E2F7: variants seen among roughly 807,000 people sequenced by gnomAD.
E2F7 encodes the protein E2F transcription factor 7.
In E2F7, 35 loss-of-function variants were observed where a neutral mutation model predicts 81.1. The observed-to-expected ratio is 0.43, with a 90% confidence interval of 0.33 to 0.57. The LOEUF is 0.57. E2F7 is among the 20% of genes least tolerant of loss of function. The probability of loss-of-function intolerance (pLI) is 0.04; values close to 1 mark genes in which losing one functional copy is unlikely to be tolerated. For synonymous variants in E2F7, 416 were observed against 416.2 expected, an observed-to-expected ratio of 1.00 and a Z score of 0.01; for missense variants, 961 against 1,093.7, an observed-to-expected ratio of 0.88 and a Z score of 1.71.
chr12:77,034,838 A>G (rs1954835361), intron 7 of E2F7, among the ~76,000 whole-genome samples: 1 of 152,256 alleles, frequency 6.6e-6, no homozygotes, highest in Non-Finnish European at 1.5e-5. Context: ...TTTCTAAAAC[A>G]TGCGCTTTCA....
Position 77,030,350 on chromosome 12 carries a change from C to A in E2F7, c.1383-18G>T, listed in dbSNP as rs761121484. The A allele has an allele frequency of 5.3e-6, 8 of 1,520,020 alleles. No individual in the cohort carries two copies. In the East Asian group the frequency reaches 1.4e-4, roughly 26 times the overall value. 94.2% of individuals were successfully genotyped at this position (1,520,020 alleles called of 1,614,324 possible). A position where few individuals can be genotyped will look rare whatever the true frequency, so the allele number is the denominator to read the frequency against. On this transcript the variant is annotated intron_variant, in intron 9 of 12. Coordinates refer to ENST00000322886, the MANE Select transcript of E2F7 (RefSeq NM_203394.3). ...CTTTTCCCCTATAATAAAAAAGAAACGTAACGAAGTTAGCACATTCTACCA... is the reference window on the plus strand; with the variant it reads ...CTTTTCCCCTATAATAAAAAAGAAAAGTAACGAAGTTAGCACATTCTACCA...
At chr12:77,045,922 G>T in intron 5 of E2F7, 116 bp downstream of exon 5, 1 of 1,307,120 alleles carries the variant, frequency 7.7e-7, no homozygotes, top group Non-Finnish European at 1.0e-6. Context: ...GAGAATAAGA[G>T]AACATCTCCC....
intron 7 of E2F7, among the ~76,000 whole-genome samples, chr12:77,042,081 G>A (rs1162485598): frequency 6.6e-6 from 1 of 152,220 alleles, no homozygotes; most frequent in African/African-American, 2.4e-5. Flanking sequence ...TTCATGTTAA[G>A]AAGAGGGCTT....
Position 77,025,895 on chromosome 12 carries a change from A to C in E2F7, c.2228T>G (p.Val743Gly). 1 of 1,614,140 alleles carries C rather than the reference A, an allele frequency of 6.2e-7. No individual in the cohort carries two copies. Among genetic ancestry groups the C allele is most frequent in the Non-Finnish European group, 8.5e-7 (1 of 1,180,016 alleles). ...PSSGQLPSFS[V>G]PCMVLPSPPL... ...TGGAGATGGTAAGACCATGCAAGGG[A>C]CACTGAAAGACGGCAGCTGACCTGA... The change falls in exon 12 of 13, where the codon GTC becomes GGC. Residue 743 changes from valine (V) to glycine (G), a missense_variant. This residue lies in a region of E2F7 where 587 missense variants were observed against 620.3 expected (regional missense o/e 0.95). Transcript: ENST00000322886.
chr12:77,046,174 A>G lies in E2F7; in HGVS notation c.693T>C (p.Tyr231=), dbSNP rs757464478. 1.8e-5 allele frequency: 29 copies of G among 1,614,068 alleles called. No individual in the cohort carries two copies. Among genetic ancestry groups the G allele is most frequent in the South Asian group, 1.8e-4 (16 of 91,092 alleles). Residue 231 remains tyrosine, a synonymous_variant, in exon 5 of 13, where the codon TAT becomes TAC. Transcript: ENST00000322886. ...GTTGGAGGTAGGCCATTTGCTCTTC[A>G]TATTTCTGCTCCTCTCCTAGTCTCT... is the stretch of plus-strand genomic sequence containing the variant. The part of the protein sequence containing the change: ...NLQRLGEEQK[Y]EEQMAYLQQK...
intron 7 of E2F7, among the ~76,000 whole-genome samples, chr12:77,041,625 CA>C (rs1226941016): frequency 6.6e-6 from 1 of 152,064 alleles, no homozygotes; most frequent in Admixed American, 6.5e-5. Flanking sequence ...TGAGGCCTTC[CA>C]AAAATGCAGT....
chr12:77,050,510 T>C, intron 4 of E2F7, 66 bp downstream of exon 4: 1 of 1,567,308 alleles, frequency 6.4e-7, no homozygotes, highest in Non-Finnish European at 8.7e-7. Flanking sequence ...GCCTTCAGCC[T>C]GCCCAAGGAA....
At chr12:77,024,996 C>T (rs310833) in intron 12 of E2F7, among the ~76,000 whole-genome samples, 148,624 of 152,256 alleles carry the variant, frequency 0.98, 72,569 homozygotes, top group East Asian at 1. Context: ...ATATTGATAA[C>T]GTATCTTTGT....
chr12:77,033,408 A>C (rs1481014034), intron 8 of E2F7, among the ~76,000 whole-genome samples: 7 of 152,152 alleles, frequency 4.6e-5, no homozygotes, highest in African/African-American at 1.7e-4. Flanking sequence ...GCTACTTGGG[A>C]GGCTGAGGTG....
At chr12:77,054,354 A>T (rs1347084570) in intron 3 of E2F7, among the ~76,000 whole-genome samples, 1 of 152,154 alleles carries the variant, frequency 6.6e-6, no homozygotes, top group East Asian at 1.9e-4. Flanking sequence ...AATCAATTGT[A>T]TTTGTATATA....
At chr12:77,029,788 G>A (rs764138492) in intron 10 of E2F7, 43 bp downstream of exon 10, 2 of 1,605,754 alleles carry the variant, frequency 1.2e-6, no homozygotes, top group South Asian at 2.2e-5. Context: ...GAAGCTCAGG[G>A]CTAACAGGAT....
At chr12:77,028,599 C>A (rs1407770740) in intron 10 of E2F7, among the ~76,000 whole-genome samples, 3 of 152,040 alleles carry the variant, frequency 2.0e-5, no homozygotes, top group Non-Finnish European at 4.4e-5. Flanking sequence ...TCCTGAGTAG[C>A]TGGGACTAGA....
chr12:77,041,687 T>C (rs1477161069), intron 7 of E2F7, among the ~76,000 whole-genome samples: 1 of 152,230 alleles, frequency 6.6e-6, no homozygotes, highest in Non-Finnish European at 1.5e-5. Context: ...GTTCTCTTCA[T>C]GCCTCCAAAA....
At chr12:77,032,362 C>T (rs1210676478) in intron 9 of E2F7, among the ~76,000 whole-genome samples, 2 of 152,210 alleles carry the variant, frequency 1.3e-5, no homozygotes, top group Non-Finnish European at 2.9e-5. Flanking sequence ...GACAGCAAAA[C>T]GAGCCAGGCT....
At chr12:77,064,271 TTTGA>T (rs1306915551) in intron 2 of E2F7, among the ~76,000 whole-genome samples, 9 of 152,222 alleles carry the variant, frequency 5.9e-5, no homozygotes, top group Admixed American at 5.9e-4. Flanking sequence ...TATTATAAAC[TTTGA>T]TTGCTGTAGC....
chr12:77,030,351 G>A lies in E2F7; in HGVS notation c.1383-19C>T, dbSNP rs75419810. The A allele has an allele frequency of 2.5e-3, 3,739 of 1,519,422 alleles. 63 individuals carry two copies. In the African/African-American group the frequency reaches 0.038, roughly 15 times the overall value. The allele number at this position is 1,519,422 out of a possible 1,614,324, so 94.1% of individuals were successfully genotyped here. On this transcript the variant is annotated intron_variant, in intron 9 of 12. Coordinates refer to ENST00000322886, the MANE Select transcript of E2F7 (RefSeq NM_203394.3). ...TTTTCCCCTATAATAAAAAAGAAACGTAACGAAGTTAGCACATTCTACCAA... is the reference window on the plus strand; with the variant it reads ...TTTTCCCCTATAATAAAAAAGAAACATAACGAAGTTAGCACATTCTACCAA...
At chr12:77,059,981 A>C (rs80025251) in intron 2 of E2F7, among the ~76,000 whole-genome samples, 2 of 144,552 alleles carry the variant, frequency 1.4e-5, no homozygotes, top group African/African-American at 5.2e-5. Context: ...AAAAAAAAAA[A>C]AGCCAGGCCT....
intron 7 of E2F7, among the ~76,000 whole-genome samples, chr12:77,042,706 A>C (rs1185015698): frequency 6.6e-6 from 1 of 152,220 alleles, no homozygotes. Flanking sequence ...GTAGAATTTC[A>C]AAGAGAAACC....
At position 77,027,936 on chromosome 12, in the gene E2F7, T is replaced by C; in HGVS notation, c.2087A>G (p.Glu696Gly). The change falls in exon 11 of 13, where the codon GAA (glutamate) becomes GGA (glycine). Residue 696 changes from glutamate to glycine, a missense_variant. By Grantham distance (98) the Glu-to-Gly change is moderately conservative. Transcript: ENST00000322886. ...TDVEKPSKENESTKEPSLLQY... is the reference protein window; with the variant it reads ...TDVEKPSKENGSTKEPSLLQY... ...TAGCAAAGAAGGCTCTTTGGTGCTT[T>C]CATTTTCTTTTGAAGGCTTTTCAAC... The C allele has an allele frequency of 6.2e-7, 1 of 1,614,246 alleles. No individual in the cohort carries two copies.
Sources: allele counts gnomAD v4.1 joint callset (sites outside exome capture counted in the v4.1 genomes callset), GRCh38; gene constraint gnomAD v4.1.1; regional missense constraint gnomAD v4.1.1; transcripts MANE v1.5; gene names NCBI Gene and HGNC (gene_info 2026-07-23, HGNC 2026-07-21).